Variants in CAMK1D observed in about 807,000 individuals in gnomAD.
CAMK1D encodes the protein calcium/calmodulin dependent protein kinase ID.
Under a neutral mutation model 47.7 loss-of-function variants are expected in CAMK1D, and 9 were observed. That is an observed-to-expected ratio of 0.19 (90% confidence interval 0.11 to 0.33). The LOEUF (loss-of-function observed/expected upper bound fraction) is 0.33. CAMK1D is among the 10% of genes least tolerant of loss of function. The pLI is 1.00. For missense variants in CAMK1D, 291 were observed against 488.7 expected (o/e 0.60, Z 3.81); for synonymous variants, 184 against 184.9 (o/e 0.99, Z 0.04).
intron 2 of CAMK1D, among the ~76,000 whole-genome samples, chr10:12,659,982 C>G (rs1588748609): frequency 6.6e-6 from 1 of 152,178 alleles, no homozygotes; most frequent in Non-Finnish European, 1.5e-5. Context: ...CCTCGCTATC[C>G]CCACCTCATC....
chr10:12,645,647 C>G (rs926130956), intron 2 of CAMK1D, among the ~76,000 whole-genome samples: 1 of 152,194 alleles, frequency 6.6e-6, no homozygotes, highest in African/African-American at 2.4e-5. Flanking sequence ...GCACCAAGTG[C>G]TCTAGTCCTA....
intron 3 of CAMK1D, among the ~76,000 whole-genome samples, chr10:12,712,451 T>A (rs1326137093): frequency 5.9e-5 from 9 of 152,102 alleles, no homozygotes; most frequent in Non-Finnish European, 1.2e-4. Flanking sequence ...GCAGCTTCAA[T>A]GTGGATGTGT....
At chr10:12,734,564 A>G (rs889302856) in intron 3 of CAMK1D, among the ~76,000 whole-genome samples, 1 of 147,320 alleles carries the variant, frequency 6.8e-6, no homozygotes, top group African/African-American at 2.6e-5. Context: ...ATATATACAC[A>G]TATGTGTATA....
At chr10:12,487,952 G>T (rs568257317) in intron 1 of CAMK1D, among the ~76,000 whole-genome samples, 1 of 152,190 alleles carries the variant, frequency 6.6e-6, no homozygotes, top group South Asian at 2.1e-4. Flanking sequence ...GGCATTTCAG[G>T]ATCTCAACAG....
chr10:12,811,391 C>T (rs1832601346), intron 6 of CAMK1D, among the ~76,000 whole-genome samples: 1 of 152,126 alleles, frequency 6.6e-6, no homozygotes, highest in Admixed American at 6.5e-5. Context: ...CATAGCTTGG[C>T]CAGGGAGCTC....
At chr10:12,526,265 A>G (rs139258715) in intron 1 of CAMK1D, among the ~76,000 whole-genome samples, 143 of 152,312 alleles carry the variant, frequency 9.4e-4, no homozygotes, top group Non-Finnish European at 1.7e-3. Flanking sequence ...TGCTGTTTGT[A>G]TCTGCCCCAC....
chr10:12,588,817 CAT>C (rs1564430292), intron 2 of CAMK1D, among the ~76,000 whole-genome samples: 6 of 151,048 alleles, frequency 4.0e-5, no homozygotes, highest in African/African-American at 1.5e-4. Flanking sequence ...CACATACACA[CAT>C]GCACATACAT....
chr10:12,479,971 AG>A (rs1834015513), intron 1 of CAMK1D, among the ~76,000 whole-genome samples: 1 of 152,110 alleles, frequency 6.6e-6, no homozygotes, highest in Non-Finnish European at 1.5e-5. Flanking sequence ...TGGCAGCCAA[AG>A]ACTAAAAAAA....
intron 1 of CAMK1D, among the ~76,000 whole-genome samples, chr10:12,459,999 T>C (rs773390939): frequency 3.4e-4 from 52 of 152,216 alleles, no homozygotes; most frequent in Non-Finnish European, 7.1e-4. Flanking sequence ...GTGCAGACTA[T>C]AGCTCCATCT....
intron 1 of CAMK1D, among the ~76,000 whole-genome samples, chr10:12,439,269 GC>G (rs1470848085): frequency 6.6e-6 from 1 of 152,184 alleles, no homozygotes; most frequent in East Asian, 1.9e-4. Flanking sequence ...ACGTCTCAGA[GC>G]CCTGAGCAGT....
At chr10:12,608,753 A>G (rs978961239) in intron 2 of CAMK1D, among the ~76,000 whole-genome samples, 3 of 152,244 alleles carry the variant, frequency 2.0e-5, no homozygotes, top group South Asian at 2.1e-4. Flanking sequence ...TTTTTACTTC[A>G]AACATGTTAG....
At chr10:12,821,941 T>G (rs1833028211) in intron 8 of CAMK1D, among the ~76,000 whole-genome samples, 1 of 151,816 alleles carries the variant, frequency 6.6e-6, no homozygotes, top group Non-Finnish European at 1.5e-5. Flanking sequence ...ACCACTGCCC[T>G]CCAGCCTGGG....
chr10:12,554,446 C>T lies in CAMK1D; in HGVS notation c.224+1090C>T, dbSNP rs1383303857. Among the ~76,000 whole-genome samples the T allele has an allele frequency of 3.8e-5, 5 of 131,204 alleles. 1 individual carries two copies. The highest frequency in any genetic ancestry group is 8.9e-5 in the Non-Finnish European group (5 of 56,094). The allele number at this position is 131,204 out of a possible 152,430, so 86.1% of individuals were successfully genotyped here. A position where few individuals can be genotyped will look rare whatever the true frequency, so the allele number is the denominator to read the frequency against. ...CTGAGTTTACAGGCATGAGCCACTG[C>T]GCCTGGCCAAGATTTTCATTTATTT... On this transcript the variant is annotated intron_variant, in intron 2 of 10. Coordinates refer to ENST00000619168, the MANE Select transcript of CAMK1D (RefSeq NM_153498.4).
chr10:12,810,409 G>T (rs908431420), intron 6 of CAMK1D, among the ~76,000 whole-genome samples: 2 of 151,834 alleles, frequency 1.3e-5, no homozygotes, highest in Admixed American at 1.3e-4. Flanking sequence ...CGTGTAGCTG[G>T]GATTACAGGC....
At chr10:12,544,760 G>GGTACTAGTGTTGAGTAGATA (rs1564402507) in intron 1 of CAMK1D, among the ~76,000 whole-genome samples, 9 of 148,876 alleles carry the variant, frequency 6.0e-5, no homozygotes, top group African/African-American at 2.3e-4. Flanking sequence ...TTGAGTGGAT[G>GGTACTAGTGTTGAGTAGATA]GTACTAGTGT....
At chr10:12,640,650 A>T (rs1197667124) in intron 2 of CAMK1D, among the ~76,000 whole-genome samples, 1 of 152,212 alleles carries the variant, frequency 6.6e-6, no homozygotes, top group Non-Finnish European at 1.5e-5. Flanking sequence ...GACTATTTGC[A>T]TCTCCCTGTA....
intron 1 of CAMK1D, among the ~76,000 whole-genome samples, chr10:12,528,879 C>A (rs535883559): frequency 6.6e-6 from 1 of 152,094 alleles, no homozygotes; most frequent in South Asian, 2.1e-4. Context: ...GTAGCTGGGA[C>A]TACAGGTGCA....
rs1256925479 is a variant in CAMK1D at position 12,805,387 on chromosome 10, TA to T, written c.642-8805del. On this transcript the variant is annotated intron_variant, in intron 6 of 10. Coordinates refer to ENST00000619168, the MANE Select transcript of CAMK1D (RefSeq NM_153498.4). ...CATTTCTTTTTTTTTTTTTTTTTTT[TA>T]AACACAGAGTTTTGCTCTTGTTGCC... Among the ~76,000 whole-genome samples the T allele has an allele frequency of 2.2e-3, 250 of 112,266 alleles. 3 individuals carry two copies. Among genetic ancestry groups the T allele is most frequent in the African/African-American group, 9.7e-3 (240 of 24,700 alleles). 73.7% of individuals were successfully genotyped at this position (112,266 alleles called of 152,430 possible).
chr10:12,652,983 G>A (rs1840020935), intron 2 of CAMK1D, among the ~76,000 whole-genome samples: 1 of 152,152 alleles, frequency 6.6e-6, no homozygotes, highest in Admixed American at 6.5e-5. Context: ...GCTGAAACTG[G>A]GTAGTTTATA....
Sources: gnomAD v4.1 joint callset for allele counts (sites outside exome capture counted in the v4.1 genomes callset) on GRCh38, gnomAD v4.1.1 for gene constraint, MANE v1.5 for transcripts, NCBI Gene and HGNC (gene_info 2026-07-23, HGNC 2026-07-21) for gene names.